ANKFN1: variants seen among roughly 807,000 people sequenced by gnomAD.
ANKFN1 encodes the protein ankyrin repeat and fibronectin type-III domain-containing protein 1.
A neutral mutation model predicts 108.7 loss-of-function variants in ANKFN1; 74 were observed. That is an observed-to-expected ratio of 0.68 (90% CI 0.56 to 0.83). The LOEUF is 0.83. ANKFN1 is among the 40% of genes least tolerant of loss of function. ANKFN1 has a pLI of 0.00. For synonymous variants in ANKFN1, 547 were observed against 516.2 expected, an observed-to-expected ratio of 1.06 and a Z score of -0.81; for missense variants, 1,505 against 1,382.3, an observed-to-expected ratio of 1.09 and a Z score of -1.41.
intron 2 of ANKFN1, among the ~76,000 whole-genome samples, chr17:56,221,542 A>G (rs1175684012): frequency 1.3e-5 from 2 of 152,254 alleles, no homozygotes; most frequent in Non-Finnish European, 2.9e-5. Context: ...ATATAAGTGT[A>G]TACCAAGAAC....
At chr17:56,415,991 T>G (rs1479274596) in intron 8 of ANKFN1, among the ~76,000 whole-genome samples, 1 of 152,166 alleles carries the variant, frequency 6.6e-6, no homozygotes, top group Non-Finnish European at 1.5e-5. Flanking sequence ...TAAATGGTGC[T>G]GGGGAAACTG....
chr17:56,216,269 A>C (rs1915420122), intron 2 of ANKFN1, among the ~76,000 whole-genome samples: 2 of 152,248 alleles, frequency 1.3e-5, no homozygotes, highest in African/African-American at 4.8e-5. Flanking sequence ...ATTCCTTGCC[A>C]AAAACTACTG....
chr17:56,322,526 A>G (rs182427665), intron 3 of ANKFN1, among the ~76,000 whole-genome samples: 12 of 152,168 alleles, frequency 7.9e-5, no homozygotes, highest in Non-Finnish European at 1.3e-4. Context: ...GCTCTCCCCA[A>G]TTTAGCTCCT....
chr17:56,416,019 G>A (rs1172709968), intron 8 of ANKFN1, among the ~76,000 whole-genome samples: 1 of 152,082 alleles, frequency 6.6e-6, no homozygotes, highest in African/African-American at 2.4e-5. Flanking sequence ...ATATGCAGAA[G>A]AATAAAACTA....
chr17:56,188,248 CA>C (rs1253602446), intron 1 of ANKFN1, among the ~76,000 whole-genome samples: 1 of 151,798 alleles, frequency 6.6e-6, no homozygotes, highest in Admixed American at 6.6e-5. Context: ...ACAAGTTATC[CA>C]AAACTTAATG....
At chr17:56,287,141 G>A (rs2044239909) in intron 3 of ANKFN1, among the ~76,000 whole-genome samples, 1 of 152,138 alleles carries the variant, frequency 6.6e-6, no homozygotes, top group Non-Finnish European at 1.5e-5. Context: ...CATTTTACAG[G>A]TGAGAAAGGA....
At chr17:56,065,232 C>G (rs1200059079) in intron 4 of ANKFN1, among the ~76,000 whole-genome samples, 1 of 152,214 alleles carries the variant, frequency 6.6e-6, no homozygotes, top group Non-Finnish European at 1.5e-5. Context: ...CTTCACCTCT[C>G]TCAGCCTTCA....
intron 8 of ANKFN1, among the ~76,000 whole-genome samples, chr17:56,417,529 C>G (rs1567985530): frequency 6.6e-6 from 1 of 152,158 alleles, no homozygotes; most frequent in African/African-American, 2.4e-5. Flanking sequence ...GTCCCTGTCC[C>G]CTTGGGAAGA....
At chr17:56,172,722 G>A (rs771595838) in intron 1 of ANKFN1, among the ~76,000 whole-genome samples, 16 of 152,174 alleles carry the variant, frequency 1.1e-4, no homozygotes, top group Non-Finnish European at 1.9e-4. Flanking sequence ...CTGGAGAGCC[G>A]ATGTGGGGCA....
intron 10 of ANKFN1, among the ~76,000 whole-genome samples, chr17:56,444,257 G>T (rs1027507842): frequency 2.0e-5 from 3 of 152,076 alleles, no homozygotes; most frequent in Admixed American, 6.6e-5. Context: ...TATGTTTTAT[G>T]TAAAAAGAAA....
At chr17:56,046,663 T>C (rs1904683479) in intron 4 of ANKFN1, among the ~76,000 whole-genome samples, 1 of 152,228 alleles carries the variant, frequency 6.6e-6, no homozygotes, top group Non-Finnish European at 1.5e-5. Context: ...CCCAAGTTTC[T>C]TTTGCAGATG....
In ANKFN1 at chr17:56,466,568, C is replaced by G; in HGVS notation, c.1770C>G (p.Ile590Met). The G allele has an allele frequency of 6.2e-7, 1 of 1,604,770 alleles. No homozygotes were observed. Among genetic ancestry groups the G allele is most frequent in the Non-Finnish European group, 8.5e-7 (1 of 1,175,124 alleles). ...PTALDILLITIQDILSYHKRS... is the reference protein window; with the variant it reads ...PTALDILLITMQDILSYHKRS... ...CTTTAGACATTCTACTGATAACCAT[C>G]CAGGTATGTAGTTTTTTTCTTAATT... The change falls in exon 15 of 21, where the codon ATC becomes ATG. Residue 590 changes from isoleucine to methionine, a missense_variant. Coordinates refer to ENST00000682825, the MANE Select transcript of ANKFN1 (RefSeq NM_001370326.1).
At chr17:56,069,222 T>C (rs1905094203) in intron 4 of ANKFN1, among the ~76,000 whole-genome samples, 2 of 152,230 alleles carry the variant, frequency 1.3e-5, no homozygotes. Context: ...TAAAACTTTT[T>C]CCTGGCCTGT....
intron 8 of ANKFN1, among the ~76,000 whole-genome samples, chr17:56,391,199 A>C (rs948617574): frequency 1.1e-4 from 16 of 140,446 alleles, no homozygotes; most frequent in African/African-American, 4.6e-4. Context: ...TGCAGGGTGA[A>C]GGCCCAAGAA....
At chr17:56,409,684 A>G (rs1464914765) in intron 8 of ANKFN1, among the ~76,000 whole-genome samples, 5 of 152,200 alleles carry the variant, frequency 3.3e-5, no homozygotes, top group Non-Finnish European at 7.3e-5. Context: ...CTCCTGATTG[A>G]GCCAAATTAT....
chr17:56,299,208 T>A lies in ANKFN1; in HGVS notation c.54-27013T>A, dbSNP rs563002907. Among the ~76,000 whole-genome samples, 7 of 152,326 alleles carry A rather than the reference T, an allele frequency of 4.6e-5. No individual in the cohort carries two copies. The South Asian group carries it at 1.5e-3, about 32-fold the overall frequency. ...TAAATTACTCTGGAGGATTTGTTTT[T>A]TGTTGTGGTGGCTGATAGTACAGAA... On this transcript the variant is annotated intron_variant, in intron 3 of 20. Transcript: ENST00000682825.
At chr17:56,231,212 C>T (rs1407848740) in intron 3 of ANKFN1, among the ~76,000 whole-genome samples, 1 of 152,088 alleles carries the variant, frequency 6.6e-6, no homozygotes, top group African/African-American at 2.4e-5. Context: ...GTTCCTTGGC[C>T]TCTTCTAGAG....
chr17:56,370,939 TGTGTATGTG>T (rs2046794609), intron 6 of ANKFN1, among the ~76,000 whole-genome samples: 1 of 114,890 alleles, frequency 8.7e-6, no homozygotes, highest in South Asian at 3.2e-4. Flanking sequence ...CGCCCGCGTG[TGTGTATGTG>T]TTTTTTTTTT....
At chr17:56,101,059 C>T (rs1000304549) in intron 4 of ANKFN1, among the ~76,000 whole-genome samples, 3 of 152,108 alleles carry the variant, frequency 2.0e-5, no homozygotes, top group Non-Finnish European at 2.9e-5. Context: ...CCTGCACCCC[C>T]ACTTTCTGCC....
Sources: allele counts gnomAD v4.1 joint callset (sites outside exome capture counted in the v4.1 genomes callset), GRCh38; gene constraint gnomAD v4.1.1; transcripts MANE v1.5; gene names NCBI Gene and HGNC (gene_info 2026-07-23, HGNC 2026-07-21).